PRR35: variants seen among roughly 807,000 people sequenced by gnomAD.
The protein encoded by PRR35 is proline-rich protein 35.
PRR35 carries 14 observed loss-of-function variants against 18.6 expected under a neutral mutation model. The observed-to-expected ratio is 0.75, with a 90% CI of 0.50 to 1.18. PRR35 has a LOEUF of 1.18. Ranked by LOEUF, PRR35 falls within the 50% of genes most tolerant of loss-of-function variation. PRR35 has a pLI of 0.00. For missense variants in PRR35, 832 were observed against 792.2 expected, an observed-to-expected ratio of 1.05 and a Z score of -0.60; for synonymous variants, 425 against 378.2, an observed-to-expected ratio of 1.12 and a Z score of -1.43.
rs1178194416 is a variant in PRR35, at chr16:564,047, C to A, written c.753C>A (p.Ala251=). The A allele has an allele frequency of 5.1e-6, 8 of 1,564,020 alleles. No individual in the cohort carries two copies. Among genetic ancestry groups the A allele is most frequent in the Non-Finnish European group, 6.9e-6 (8 of 1,159,992 alleles). Residue 251 remains alanine (A), a synonymous_variant, in exon 2 of 3, where the codon GCC becomes GCA. Transcript: ENST00000409413. The part of the protein sequence containing the change: ...PLLPPATAFP[A]VQPPQRPTPA... ...TGCCCCCGGCCACGGCCTTCCCAGC[C>A]GTGCAGCCCCCTCAGCGCCCCACCC...
At position 564,975 on chromosome 16, in the gene PRR35, G is replaced by A; in HGVS notation, c.1384G>A (p.Asp462Asn). 6.2e-7 allele frequency: 1 copy of A among 1,607,300 alleles called. No individual in the cohort carries two copies. Among genetic ancestry groups the A allele is most frequent in the Non-Finnish European group, 8.5e-7 (1 of 1,178,366 alleles). The change falls in exon 3 of 3, where the codon GAC (aspartate) becomes AAC (asparagine). Residue 462 changes from aspartate (D) to asparagine (N), a missense_variant. By Grantham distance (23) the Asp-to-Asn change is conservative (BLOSUM62 1). This residue lies in a region of PRR35 where 768 missense variants were observed against 704.1 expected (regional missense o/e 1.09). Transcript: ENST00000409413. ...QALEQAVRPP[D>N]APLDLSVKRA... is the part of the protein sequence containing the mutation. ...GCTGGAGCAGGCCGTGAGGCCGCCA[G>A]ACGCACCCCTCGACCTCTCTGTGAA...
intron 1 of PRR35, among the ~76,000 whole-genome samples, chr16:562,565 G>A (rs571773351): frequency 3.3e-5 from 5 of 150,508 alleles, no homozygotes; most frequent in Non-Finnish European, 7.4e-5. Flanking sequence ...GCACACACAC[G>A]TGCATGCACA....
rs1307092753 is a variant in PRR35 at position 565,138 on chromosome 16, C to T, written c.1547C>T (p.Thr516Ile). ...PAAPQPFSGHTTKCEADSSVP... is the reference protein window; with the variant it reads ...PAAPQPFSGHITKCEADSSVP... ...GCGCCCCAACCCTTCTCTGGCCACA[C>T]CACCAAGTGTGAGGCCGACTCCAGC... is the stretch of plus-strand genomic sequence containing the variant. Residue 516 changes from threonine to isoleucine, a missense_variant, in exon 3 of 3, where the codon ACC (threonine) becomes ATC (isoleucine). Physicochemically the swap from Thr to Ile is moderately conservative, Grantham distance 89 (BLOSUM62 -1). Transcript: ENST00000409413. 6.8e-6 allele frequency: 11 copies of T among 1,608,514 alleles called. No individual in the cohort carries two copies. Among genetic ancestry groups the T allele is most frequent in the Non-Finnish European group, 9.3e-6 (11 of 1,177,818 alleles).
At position 564,565 on chromosome 16, in the gene PRR35, G is replaced by T. The variant is rs560138694; in HGVS notation, c.1083-109G>T. Reference sequence around the variant, plus strand: ...GGGGGTCCTCGGGGTCTCCAGGAGAGCCTAGGCTCTAGGCTGGGGCCACAG... The same window carrying T: ...GGGGGTCCTCGGGGTCTCCAGGAGATCCTAGGCTCTAGGCTGGGGCCACAG... On this transcript the variant is annotated intron_variant, in intron 2 of 2. Coordinates refer to ENST00000409413, the MANE Select transcript of PRR35 (RefSeq NM_145270.3). 1,221 of 1,409,854 alleles carry T rather than the reference G, an allele frequency of 8.7e-4. 4 individuals carry two copies. Among genetic ancestry groups the T allele is most frequent in the Middle Eastern group, 7.2e-3 (28 of 3,878 alleles). 87.3% of individuals were successfully genotyped at this position (1,409,854 alleles called of 1,614,324 possible).
chr16:561,803 T>C, intron 1 of PRR35: 2 of 985,226 alleles, frequency 2.0e-6, no homozygotes, highest in Non-Finnish European at 2.4e-6. Context: ...CAGGTCTGCG[T>C]GTGTCCTGGG....
intron 2 of PRR35, 40 bp from the exon 3 acceptor site, chr16:564,634 T>TG: frequency 6.7e-7 from 1 of 1,483,176 alleles, no homozygotes; most frequent in Non-Finnish European, 8.9e-7. Flanking sequence ...GGGGGCGCTG[T>TG]GGGGGCAGTG....
Position 563,576 on chromosome 16 carries a change from G to T in PRR35, c.282G>T (p.Gly94=). ...ACGCACCCACCCCAGACCGCCCTGG[G>T]GAGTCCGACCCCGGCAGGCAACCCC... ...RPHAPTPDRP[G]ESDPGRQPQG... Residue 94 remains glycine (G), a synonymous_variant, in exon 2 of 3, where the codon GGG becomes GGT. Transcript: ENST00000409413. 6.2e-7 allele frequency: 1 copy of T among 1,604,566 alleles called. No homozygotes were observed.
rs1486134070 is a variant in PRR35 at position 560,422 on chromosome 16, G to C, written c.-279G>C. The C allele has an allele frequency of 9.2e-6, 9 of 983,056 alleles. No individual in the cohort carries two copies. Among genetic ancestry groups the C allele is most frequent in the African/African-American group, 3.5e-5 (2 of 56,984 alleles). The allele number at this position is 983,056 out of a possible 1,614,324, so 60.9% of individuals were successfully genotyped here. Reference sequence around the variant, plus strand: ...TTCGGGAGGTGCGAGCGGCGTCGGGGGGACGCGGGCGGCGGCGGAGGCTGC... The same window carrying C: ...TTCGGGAGGTGCGAGCGGCGTCGGGCGGACGCGGGCGGCGGCGGAGGCTGC... On this transcript the variant is annotated 5_prime_UTR_variant, in exon 1 of 3. Coordinates refer to ENST00000409413, the MANE Select transcript of PRR35 (RefSeq NM_145270.3).
chr16:565,459 A>C lies in PRR35; in HGVS notation c.*152A>C. 1.4e-6 allele frequency: 1 copy of C among 697,872 alleles called. No individual in the cohort carries two copies. Among genetic ancestry groups the C allele is most frequent in the Non-Finnish European group, 2.1e-6 (1 of 466,262 alleles). 43.2% of individuals were successfully genotyped at this position (697,872 alleles called of 1,614,324 possible). ...GTGGCCAACGCTTGTCCCTGGGGCC[A>C]CACAGGGACACTGGAGGTCACAGTT... On this transcript the variant is annotated 3_prime_UTR_variant, in exon 3 of 3. Transcript: ENST00000409413.
rs780446928 is a variant in PRR35 at position 563,539 on chromosome 16, C to G, written c.245C>G (p.Thr82Arg). The G allele has an allele frequency of 5.0e-6, 8 of 1,611,086 alleles. No individual in the cohort carries two copies. Among genetic ancestry groups the G allele is most frequent in the Admixed American group, 1.7e-5 (1 of 59,920 alleles). Residue 82 changes from threonine to arginine, a missense_variant, in exon 2 of 3, where the codon ACG becomes AGG. Thr to Arg is a moderately conservative substitution (Grantham distance 71). This residue lies in a region of PRR35 where 768 missense variants were observed against 704.1 expected (regional missense o/e 1.09). Transcript: ENST00000409413. Reference protein sequence around the residue: ...PDWACRRGSTTPRPHAPTPDR... With the variant: ...PDWACRRGSTRPRPHAPTPDR... ...TGGGCGTGCCGCCGTGGCTCCACCA[C>G]GCCTAGGCCCCACGCACCCACCCCA...
intron 1 of PRR35, among the ~76,000 whole-genome samples, chr16:562,546 C>T (rs78226540): frequency 1.3e-5 from 2 of 151,468 alleles, no homozygotes; most frequent in East Asian, 1.9e-4. Context: ...CACACACACG[C>T]ACATGCACGC....
At chr16:562,784 C>T (rs911469936) in intron 1 of PRR35, among the ~76,000 whole-genome samples, 1 of 152,232 alleles carries the variant, frequency 6.6e-6, no homozygotes, top group Admixed American at 6.5e-5. Context: ...ATTCTTTTAG[C>T]CACTCACATG....
chr16:561,689 C>T (rs977348025), intron 1 of PRR35: 5 of 976,264 alleles, frequency 5.1e-6, no homozygotes, highest in Non-Finnish European at 6.1e-6. Flanking sequence ...TGGTCGTCCC[C>T]CCAACGGCAC....
Position 564,758 on chromosome 16 carries a change from C to T in PRR35, c.1167C>T (p.Leu389=), listed in dbSNP as rs773628457. The T allele has an allele frequency of 9.7e-6, 15 of 1,538,740 alleles. 1 individual carries two copies. In the South Asian group the frequency reaches 1.3e-4, roughly 13 times the overall value. The change falls in exon 3 of 3, where the codon CTC becomes CTT. Residue 389 remains leucine (L), a synonymous_variant. Coordinates refer to ENST00000409413, the MANE Select transcript of PRR35 (RefSeq NM_145270.3). ...GPETPGPEGP[L]PLQPRGPVPG... ...AGACCCCCGGCCCTGAGGGCCCCCT[C>T]CCCCTGCAGCCACGGGGCCCAGTGC...
At chr16:562,748 AC>A (rs2035461170) in intron 1 of PRR35, among the ~76,000 whole-genome samples, 1 of 152,198 alleles carries the variant, frequency 6.6e-6, no homozygotes, top group African/African-American at 2.4e-5. Context: ...GCTGACGTCC[AC>A]CCGAAGTGAG....
In PRR35 at chr16:563,956, C is replaced by A; in HGVS notation, c.662C>A (p.Ser221Tyr). The A allele has an allele frequency of 6.3e-7, 1 of 1,599,068 alleles. No homozygotes were observed. Residue 221 changes from serine (S) to tyrosine (Y), a missense_variant, in exon 2 of 3, where the codon TCC becomes TAC. Transcript: ENST00000409413. The stretch of plus-strand genomic sequence containing the variant: ...TACCCGCTCAGCCCCGGCCTCTTCT[C>A]CTACTTGGGGCCCTCACTGGCCGCT... ...VNYPLSPGLF[S>Y]YLGPSLAAAA...
Position 563,724 on chromosome 16 carries a change from G to C in PRR35, c.430G>C (p.Val144Leu), listed in dbSNP as rs2035481927. The change falls in exon 2 of 3, where the codon GTG becomes CTG. Residue 144 changes from valine to leucine, a missense_variant. Val to Leu is a conservative substitution (Grantham distance 32). Transcript: ENST00000409413. The part of the protein sequence containing the change: ...AKGSPGPPPP[V>L]ARATRKGPGP... Reference sequence around the variant, plus strand: ...GGGGTCCCCAGGGCCACCACCCCCTGTGGCTAGGGCCACCCGGAAGGGTCC... The same window carrying C: ...GGGGTCCCCAGGGCCACCACCCCCTCTGGCTAGGGCCACCCGGAAGGGTCC... 1 of 1,539,446 alleles carries C rather than the reference G, an allele frequency of 6.5e-7. No homozygotes were observed. The highest frequency in any genetic ancestry group is 1.2e-5 in the South Asian group (1 of 83,546).
chr16:563,556 C>A lies in PRR35; in HGVS notation c.262C>A (p.Pro88Thr). The A allele has an allele frequency of 6.2e-7, 1 of 1,609,410 alleles. No homozygotes were observed. The highest frequency in any genetic ancestry group is 8.5e-7 in the Non-Finnish European group (1 of 1,178,660). The change falls in exon 2 of 3, where the codon CCC becomes ACC. Residue 88 changes from proline to threonine, a missense_variant. Physicochemically the swap from Pro to Thr is conservative, Grantham distance 38. This residue lies in a region of PRR35 where 768 missense variants were observed against 704.1 expected (regional missense o/e 1.09). Coordinates refer to ENST00000409413, the MANE Select transcript of PRR35 (RefSeq NM_145270.3). The stretch of plus-strand genomic sequence containing the variant: ...CTCCACCACGCCTAGGCCCCACGCA[C>A]CCACCCCAGACCGCCCTGGGGAGTC... ...RGSTTPRPHA[P>T]TPDRPGESDP...
chr16:565,143 A>C lies in PRR35; in HGVS notation c.1552A>C (p.Lys518Gln). 6.2e-7 allele frequency: 1 copy of C among 1,608,772 alleles called. No individual in the cohort carries two copies. Among genetic ancestry groups the C allele is most frequent in the Non-Finnish European group, 8.5e-7 (1 of 1,178,086 alleles). ...CCAACCCTTCTCTGGCCACACCACC[A>C]AGTGTGAGGCCGACTCCAGCGTCCC... ...APQPFSGHTT[K>Q]CEADSSVPPP... The change falls in exon 3 of 3, where the codon AAG becomes CAG. Residue 518 changes from lysine to glutamine, a missense_variant. Physicochemically the swap from Lys to Gln is moderately conservative, Grantham distance 53. Coordinates refer to ENST00000409413, the MANE Select transcript of PRR35 (RefSeq NM_145270.3).
Sources: gnomAD v4.1 joint callset for allele counts (sites outside exome capture counted in the v4.1 genomes callset) on GRCh38, gnomAD v4.1.1 for gene constraint, gnomAD v4.1.1 regional missense constraint, MANE v1.5 for transcripts, NCBI Gene and HGNC (gene_info 2026-07-23, HGNC 2026-07-21) for gene names.